BCHE: variants seen among roughly 807,000 people sequenced by gnomAD.
BCHE encodes butyrylcholinesterase.
A neutral mutation model predicts 51.3 loss-of-function variants in BCHE; 48 were observed. The observed-to-expected ratio is 0.94, with a 90% CI of 0.74 to 1.19. The LOEUF (loss-of-function observed/expected upper bound fraction) is 1.19, where lower values mean the gene tolerates loss of function less well. Among genes scored for constraint, BCHE ranks in the 50% most tolerant of loss-of-function variants. The pLI, the probability that BCHE is intolerant of heterozygous loss-of-function variation, is 0.00. For synonymous variants in BCHE, 251 were observed against 238.0 expected (o/e 1.05, Z -0.50); for missense variants, 847 against 708.2 (o/e 1.20, Z -2.23).
intron 2 of BCHE, among the ~76,000 whole-genome samples, chr3:165,805,958 T>C (rs1713850252): frequency 6.6e-6 from 1 of 152,136 alleles, no homozygotes; most frequent in Non-Finnish European, 1.5e-5. Flanking sequence ...CTCTGGCTTG[T>C]CTTTTCATTC....
At chr3:165,824,642 C>G (rs34018532) in intron 2 of BCHE, among the ~76,000 whole-genome samples, 1 of 151,786 alleles carries the variant, frequency 6.6e-6, no homozygotes, top group South Asian at 2.1e-4. Context: ...ATTTAACCCC[C>G]AAATTAAAAA....
At chr3:165,826,961 G>A (rs999295195) in intron 2 of BCHE, among the ~76,000 whole-genome samples, 1 of 152,068 alleles carries the variant, frequency 6.6e-6, no homozygotes, top group Non-Finnish European at 1.5e-5. Context: ...ACTCAAAAAG[G>A]GCTCCAGACA....
At chr3:165,788,645 A>G (rs1713052919) in intron 2 of BCHE, among the ~76,000 whole-genome samples, 1 of 152,112 alleles carries the variant, frequency 6.6e-6, no homozygotes, top group Non-Finnish European at 1.5e-5. Context: ...TTTTCTTCTA[A>G]TTCTGCTCTA....
At chr3:165,778,344 G>A (rs184844001) in intron 3 of BCHE, 3 of 155,902 alleles carry the variant, frequency 1.9e-5, no homozygotes, top group African/African-American at 7.2e-5. Context: ...AAATTATTAT[G>A]TTGATGCCAT....
intron 2 of BCHE, among the ~76,000 whole-genome samples, chr3:165,801,530 A>T (rs1003401607): frequency 6.6e-6 from 1 of 152,180 alleles, no homozygotes; most frequent in African/African-American, 2.4e-5. Context: ...ATATGGAACA[A>T]AGCATATAAT....
intron 2 of BCHE, among the ~76,000 whole-genome samples, chr3:165,794,772 G>A (rs1713305844): frequency 6.6e-6 from 1 of 152,120 alleles, no homozygotes; most frequent in Non-Finnish European, 1.5e-5. Context: ...ATGTGTGTGT[G>A]TGTCTGTGTG....
At chr3:165,811,096 C>T (rs1186127919) in intron 2 of BCHE, among the ~76,000 whole-genome samples, 3 of 151,948 alleles carry the variant, frequency 2.0e-5, no homozygotes, top group Non-Finnish European at 4.4e-5. Flanking sequence ...TTTAAAAAAT[C>T]AGTCATGAAA....
intron 2 of BCHE, among the ~76,000 whole-genome samples, chr3:165,808,186 C>T (rs200837688): frequency 6.6e-6 from 1 of 151,802 alleles, no homozygotes; most frequent in East Asian, 1.9e-4. Context: ...GAGGTTTCAC[C>T]GTGTTAGTCA....
chr3:165,804,763 A>C (rs1175658822), intron 2 of BCHE, among the ~76,000 whole-genome samples: 1 of 152,222 alleles, frequency 6.6e-6, no homozygotes, highest in East Asian at 1.9e-4. Flanking sequence ...TAGAGACATT[A>C]ATGCCAGGCA....
At chr3:165,795,138 TGTTAA>T (rs1442569832) in intron 2 of BCHE, among the ~76,000 whole-genome samples, 4 of 152,220 alleles carry the variant, frequency 2.6e-5, no homozygotes, top group Admixed American at 6.5e-5. Context: ...TTTTCTCATG[TGTTAA>T]GTTAAAGAAA....
intron 2 of BCHE, among the ~76,000 whole-genome samples, chr3:165,824,031 C>T (rs368160938): frequency 6.6e-6 from 1 of 151,340 alleles, no homozygotes; most frequent in Non-Finnish European, 1.5e-5. Flanking sequence ...CCTGCCTTGG[C>T]TTCCCAAAGT....
At position 165,829,560 on chromosome 3, in the gene BCHE, T is replaced by C; in HGVS notation, c.1474A>G (p.Ser492Gly). ...DNYTKAEEIL[S>G]RSIVKRWANF... Reference sequence around the variant, plus strand: ...GCCCACCGTTTCACTATGGATCTACTCAAAATTTCCTCGGCTTTTGTGTAA... The same window carrying C: ...GCCCACCGTTTCACTATGGATCTACCCAAAATTTCCTCGGCTTTTGTGTAA... The change falls in exon 2 of 4, where the codon AGT becomes GGT. Residue 492 changes from serine (S) to glycine (G), a missense_variant. Transcript: ENST00000264381. The C allele has an allele frequency of 6.2e-7, 1 of 1,613,788 alleles. No individual in the cohort carries two copies. The highest frequency in any genetic ancestry group is 8.5e-7 in the Non-Finnish European group (1 of 1,179,830).
intron 2 of BCHE, among the ~76,000 whole-genome samples, chr3:165,802,627 T>TG (rs567641662): frequency 1.8e-3 from 264 of 149,952 alleles, no homozygotes; most frequent in African/African-American, 6.4e-3. Flanking sequence ...TAGGAAAATT[T>TG]GTTTTTTTTT....
chr3:165,783,901 A>G (rs537751766), intron 3 of BCHE, among the ~76,000 whole-genome samples: 1 of 152,152 alleles, frequency 6.6e-6, no homozygotes, highest in South Asian at 2.1e-4. Context: ...CAGCATAGCC[A>G]TGTGCTGAAG....
intron 3 of BCHE, among the ~76,000 whole-genome samples, chr3:165,785,805 T>C (rs1435623845): frequency 4.0e-5 from 6 of 151,762 alleles, no homozygotes; most frequent in African/African-American, 1.4e-4. Flanking sequence ...ATTTGATATA[T>C]TTATTTCTTT....
Position 165,786,202 on chromosome 3 carries a change from G to C in BCHE, c.1627C>G (p.Arg543Gly). 6.2e-7 allele frequency: 1 copy of C among 1,612,224 alleles called. No homozygotes were observed. The highest frequency in any genetic ancestry group is 8.5e-7 in the Non-Finnish European group (1 of 1,178,728). ...GTCCAGAATCGACATTGTTGAGCAC[G>C]TAGTTTCGTCATTATTCTTGTTGAC... ...TESTRIMTKL[R>G]AQQCRFWTSF... The change falls in exon 3 of 4, where the codon CGT becomes GGT. Residue 543 changes from arginine to glycine, a missense_variant. Physicochemically the swap from Arg to Gly is moderately radical, Grantham distance 125. Coordinates refer to ENST00000264381, the MANE Select transcript of BCHE (RefSeq NM_000055.4).
chr3:165,789,171 T>A lies in BCHE; in HGVS notation c.1518-2860A>T, dbSNP rs530956117. On this transcript the variant is annotated intron_variant, in intron 2 of 3. Transcript: ENST00000264381. ...AAAACTTTCCATGAAGTTGTATGTG[T>A]TCTATTCTTAGTATCAGGTTCTTTT... is the stretch of plus-strand genomic sequence containing the variant. Among the ~76,000 whole-genome samples the A allele has an allele frequency of 1.2e-4, 18 of 152,282 alleles. 1 individual carries two copies. In the South Asian group the frequency reaches 3.7e-3, roughly 32 times the overall value.
At chr3:165,784,748 G>A (rs982745162) in intron 3 of BCHE, among the ~76,000 whole-genome samples, 1 of 151,698 alleles carries the variant, frequency 6.6e-6, no homozygotes, top group African/African-American at 2.4e-5. Context: ...TTAACCAGAA[G>A]GGCTCAGCTT....
intron 1 of BCHE, among the ~76,000 whole-genome samples, chr3:165,833,485 G>A (rs1280418297): frequency 6.6e-6 from 1 of 152,094 alleles, no homozygotes; most frequent in African/African-American, 2.4e-5. Flanking sequence ...AACTGTATGT[G>A]TATGTAAACA....
Sources: allele counts gnomAD v4.1 joint callset (sites outside exome capture counted in the v4.1 genomes callset), GRCh38; gene constraint gnomAD v4.1.1; transcripts MANE v1.5; gene names NCBI Gene and HGNC (gene_info 2026-07-23, HGNC 2026-07-21).